Variants in GALNT10 observed in about 807,000 individuals in gnomAD.
GALNT10 encodes the protein polypeptide N-acetylgalactosaminyltransferase 10.
A neutral mutation model predicts 75.0 loss-of-function variants in GALNT10; 41 were observed. The ratio of observed to expected loss-of-function variants is 0.55; its 90% CI spans 0.43 to 0.71. The LOEUF is 0.71. Among genes scored for constraint, GALNT10 ranks in the 30% least tolerant of loss-of-function variants. The pLI, the probability that GALNT10 is intolerant of heterozygous loss-of-function variation, is 0.00. For missense variants in GALNT10, 727 were observed against 818.5 expected (o/e 0.89, Z 1.36); for synonymous variants, 302 against 313.0 (o/e 0.96, Z 0.37).
At chr5:154,393,075 A>AAAAAAAAAAAAAAC (rs1432597513) in intron 7 of GALNT10, 1 of 150,856 alleles carries the variant, frequency 6.6e-6, no homozygotes, top group African/African-American at 2.4e-5. Context: ...AAAAAAAAAA[A>AAAAAAAAAAAAAAC]AAACCCATTT....
intron 6 of GALNT10, among the ~76,000 whole-genome samples, chr5:154,384,123 C>T (rs1425360332): frequency 6.6e-6 from 1 of 152,136 alleles, no homozygotes; most frequent in Non-Finnish European, 1.5e-5. Context: ...GGGGTAACTG[C>T]CCCCATGATT....
chr5:154,286,209 C>G (rs1025673320), intron 1 of GALNT10, among the ~76,000 whole-genome samples: 6 of 152,172 alleles, frequency 3.9e-5, no homozygotes, highest in Admixed American at 3.3e-4. Context: ...GAGAGTAGGA[C>G]CCCGTCCGTC....
In GALNT10 at chr5:154,416,328, G is replaced by A. The variant is rs906298896; in HGVS notation, c.1653+396G>A. ...CATGCCTGTACTCCCAGCTACTCGGGAGGCCGAGGCAGGAGAAGCACTTGA... is the reference window on the plus strand; with the variant it reads ...CATGCCTGTACTCCCAGCTACTCGGAAGGCCGAGGCAGGAGAAGCACTTGA... On this transcript the variant is annotated intron_variant, in intron 11 of 11. Transcript: ENST00000297107. This position sits in a 1 kb window ranked among gnomAD's most constrained non-coding sequence, Gnocchi z 4.5. 1.3e-5 allele frequency among the ~76,000 whole-genome samples: 2 copies of A among 152,140 alleles called. No homozygotes were observed. Among genetic ancestry groups the A allele is most frequent in the African/African-American group, 4.8e-5 (2 of 41,426 alleles).
intron 4 of GALNT10, among the ~76,000 whole-genome samples, chr5:154,339,888 C>T (rs1755004696): frequency 6.6e-6 from 1 of 152,126 alleles, no homozygotes; most frequent in Admixed American, 6.5e-5. Context: ...GATAATATCC[C>T]CAGGGAGAGG....
rs1419349715 is a variant in GALNT10, at chr5:154,417,225, T to G, written c.*253T>G. 18 of 460,998 alleles carry G rather than the reference T, an allele frequency of 3.9e-5. No individual in the cohort carries two copies. The allele number at this position is 460,998 out of a possible 1,614,324, so 28.6% of individuals were successfully genotyped here. A position where few individuals can be genotyped will look rare whatever the true frequency, so the allele number is the denominator to read the frequency against. The stretch of plus-strand genomic sequence containing the variant: ...GAGACTGCTTTAATCCCTGCTGACA[T>G]CACGGAAAAGCAACAGAGCCTTTTC... On this transcript the variant is annotated 3_prime_UTR_variant, in exon 12 of 12. Coordinates refer to ENST00000297107, the MANE Select transcript of GALNT10 (RefSeq NM_198321.4).
chr5:154,226,114 C>T (rs922742579), intron 1 of GALNT10, among the ~76,000 whole-genome samples: 1 of 150,730 alleles, frequency 6.6e-6, no homozygotes, highest in Admixed American at 6.6e-5. Context: ...GCACATGTAC[C>T]ATAAAACTTA....
In GALNT10 at chr5:154,376,563, T is replaced by C. The variant is rs1755654423; in HGVS notation, c.754+101T>C. ...AGCCATCCATAAGCCTTCCCTTGCC[T>C]GTTCGAGATGCCCCCAGCACAATGC... On this transcript the variant is annotated intron_variant, in intron 5 of 11. Coordinates refer to ENST00000297107, the MANE Select transcript of GALNT10 (RefSeq NM_198321.4). This position sits in a 1 kb window ranked among gnomAD's most constrained non-coding sequence, Gnocchi z 4.1. 5.3e-6 allele frequency: 4 copies of C among 755,400 alleles called. No individual in the cohort carries two copies. The East Asian group carries it at 1.1e-4, about 21-fold the overall frequency. The allele number at this position is 755,400 out of a possible 1,614,324, so 46.8% of individuals were successfully genotyped here.
intron 1 of GALNT10, among the ~76,000 whole-genome samples, chr5:154,266,571 A>G (rs906426159): frequency 6.1e-4 from 54 of 87,916 alleles, no homozygotes; most frequent in Non-Finnish European, 1.3e-3. Context: ...AAAGACTATC[A>G]TTAAAAAAAA....
At chr5:154,216,870 G>A (rs940528709) in intron 1 of GALNT10, among the ~76,000 whole-genome samples, 8 of 152,012 alleles carry the variant, frequency 5.3e-5, no homozygotes, top group African/African-American at 1.7e-4. Flanking sequence ...CTTTTTACTT[G>A]TGAGTAGACC....
chr5:154,263,160 G>T (rs895113811), intron 1 of GALNT10, among the ~76,000 whole-genome samples: 1 of 152,154 alleles, frequency 6.6e-6, no homozygotes, highest in African/African-American at 2.4e-5. Context: ...ATACCCAAGA[G>T]AAATGGAAAC....
intron 1 of GALNT10, among the ~76,000 whole-genome samples, chr5:154,225,729 C>T (rs925083454): frequency 2.9e-5 from 2 of 69,334 alleles, no homozygotes; most frequent in Non-Finnish European, 8.2e-5. Context: ...ATGGAGGATT[C>T]GTTCTGCCAT....
In GALNT10 at chr5:154,380,379, G is replaced by A. The variant is rs1049050921; in HGVS notation, c.755-69G>A. The stretch of plus-strand genomic sequence containing the variant: ...ATGTTAAAAATACAAGTAAGCTGCA[G>A]AACAGGATGGTGCACTTAGCTGCTT... On this transcript the variant is annotated intron_variant, in intron 5 of 11. Coordinates refer to ENST00000297107, the MANE Select transcript of GALNT10 (RefSeq NM_198321.4). The A allele has an allele frequency of 7.3e-6, 9 of 1,227,260 alleles. No individual in the cohort carries two copies. The African/African-American group carries it at 1.0e-4, about 14-fold the overall frequency. 76.0% of individuals were successfully genotyped at this position (1,227,260 alleles called of 1,614,324 possible). A position where few individuals can be genotyped will look rare whatever the true frequency, so the allele number is the denominator to read the frequency against.
rs537153105 is a variant in GALNT10 at position 154,382,880 on chromosome 5, T to C, written c.938+2249T>C. On this transcript the variant is annotated intron_variant, in intron 6 of 11. Coordinates refer to ENST00000297107, the MANE Select transcript of GALNT10 (RefSeq NM_198321.4). ...TGGCTAGTAGCAAAGGCCCAGCTAGTGTCTTCTGGGGCTTCAGTCTCCTCA... is the reference window on the plus strand; with the variant it reads ...TGGCTAGTAGCAAAGGCCCAGCTAGCGTCTTCTGGGGCTTCAGTCTCCTCA... Among the ~76,000 whole-genome samples the C allele has an allele frequency of 2.5e-4, 38 of 152,330 alleles. 1 individual carries two copies. In the Middle Eastern group the frequency reaches 0.014, roughly 55 times the overall value.
intron 3 of GALNT10, among the ~76,000 whole-genome samples, chr5:154,311,821 G>A (rs1357707815): frequency 3.3e-5 from 5 of 152,062 alleles, no homozygotes; most frequent in African/African-American, 7.2e-5. Context: ...ATGTTGGCCA[G>A]GCTGGTCTCA....
At chr5:154,226,133 TA>T (rs909951371) in intron 1 of GALNT10, among the ~76,000 whole-genome samples, 4 of 148,898 alleles carry the variant, frequency 2.7e-5, no homozygotes, top group Non-Finnish European at 6.0e-5. Context: ...TAAAGTATAA[TA>T]AAAAAAGGAA....
intron 5 of GALNT10, 106 bp from the exon 6 acceptor site, chr5:154,380,342 G>A: frequency 1.1e-6 from 1 of 880,914 alleles, no homozygotes. Flanking sequence ...TTGTCAAACT[G>A]AGGGTTCAGA....
intron 4 of GALNT10, among the ~76,000 whole-genome samples, chr5:154,330,950 T>C (rs1425503139): frequency 6.6e-6 from 1 of 151,664 alleles, no homozygotes; most frequent in African/African-American, 2.4e-5. Flanking sequence ...TGTGTGTGTG[T>C]AGACATTTAA....
intron 1 of GALNT10, among the ~76,000 whole-genome samples, chr5:154,289,192 A>C (rs1754156240): frequency 6.6e-6 from 1 of 152,196 alleles, no homozygotes; most frequent in Non-Finnish European, 1.5e-5. Context: ...TTACTAGGAG[A>C]GGACCTAACT....
intron 1 of GALNT10, among the ~76,000 whole-genome samples, chr5:154,192,998 T>C (rs572642164): frequency 1.6e-4 from 24 of 152,222 alleles, no homozygotes; most frequent in African/African-American, 5.5e-4. Context: ...AGGCAGACTT[T>C]TGGGCAGGGA....
Sources: allele counts gnomAD v4.1 joint callset (sites outside exome capture counted in the v4.1 genomes callset), GRCh38; gene constraint gnomAD v4.1.1; non-coding constraint Gnocchi (gnomAD v3.1); transcripts MANE v1.5; gene names NCBI Gene and HGNC (gene_info 2026-07-23, HGNC 2026-07-21).